The following MBIP variants were observed in gnomAD, a reference collection of about 807,000 sequenced individuals.
The protein encoded by MBIP is MAP3K12 binding inhibitory protein 1.
A neutral mutation model predicts 45.7 loss-of-function variants in MBIP; 32 were observed. The ratio of observed to expected loss-of-function variants is 0.70; its 90% CI spans 0.53 to 0.94. The LOEUF is 0.94. Ranked by LOEUF, MBIP falls within the 40% of genes least tolerant of loss-of-function variation. The pLI is 0.00. For synonymous variants in MBIP, 145 were observed against 141.0 expected (o/e 1.03, Z -0.20); for missense variants, 381 against 405.5 (o/e 0.94, Z 0.52).
intron 6 of MBIP, among the ~76,000 whole-genome samples, chr14:36,311,210 C>T (rs28690192): frequency 1.3e-5 from 2 of 152,092 alleles, no homozygotes; most frequent in African/African-American, 4.8e-5. Flanking sequence ...TGTAGTCCCA[C>T]TGACACAGGA....
chr14:36,319,634 C>A, intron 1 of MBIP: 2 of 412,458 alleles, frequency 4.8e-6, no homozygotes, highest in African/African-American at 2.1e-5. Context: ...CTAGTACCAG[C>A]CCCAAAACAA....
chr14:36,314,419 T>A, intron 4 of MBIP, 93 bp downstream of exon 4: 1 of 730,022 alleles, frequency 1.4e-6, no homozygotes, highest in Non-Finnish European at 2.2e-6. Context: ...AATTGTGTTC[T>A]AAAAGCTATT....
At chr14:36,319,611 T>C (rs764169430) in intron 1 of MBIP, 1 of 438,924 alleles carries the variant, frequency 2.3e-6, no homozygotes, top group South Asian at 1.6e-5. Flanking sequence ...AATGCCTGCT[T>C]TGTCCACTTG....
At chr14:36,320,056 G>A (rs755773323) in intron 1 of MBIP, among the ~76,000 whole-genome samples, 2 of 151,232 alleles carry the variant, frequency 1.3e-5, no homozygotes, top group African/African-American at 2.4e-5. Context: ...GCTAATAAGC[G>A]CGCGCTTTTC....
Position 36,314,955 on chromosome 14 carries a change from A to T in MBIP, c.250-40T>A, listed in dbSNP as rs748556016. 1.1e-5 allele frequency: 14 copies of T among 1,230,938 alleles called. No individual in the cohort carries two copies. The East Asian group carries it at 3.3e-4, about 29-fold the overall frequency. 76.3% of individuals were successfully genotyped at this position (1,230,938 alleles called of 1,614,324 possible). A position where few individuals can be genotyped will look rare whatever the true frequency, so the allele number is the denominator to read the frequency against. On this transcript the variant is annotated intron_variant, in intron 2 of 8. Coordinates refer to ENST00000416007, the MANE Select transcript of MBIP (RefSeq NM_016586.3). Reference sequence around the variant, plus strand: ...ATTCCATCTGCTGAGGTTCAATCTGACCAAAATTAATTACACACTTAATAT... The same window carrying T: ...ATTCCATCTGCTGAGGTTCAATCTGTCCAAAATTAATTACACACTTAATAT...
Position 36,308,154 on chromosome 14 carries a change from T to C in MBIP, c.826A>G (p.Lys276Glu). Reference sequence around the variant, plus strand: ...TCAAGGATTTTATCCTCAAGTTTTTTAATTCTCTGATAAATGTCTCTTGGC... The same window carrying C: ...TCAAGGATTTTATCCTCAAGTTTTTCAATTCTCTGATAAATGTCTCTTGGC... ...PVPRDIYQRIKKLEDKILELE... is the reference protein window; with the variant it reads ...PVPRDIYQRIEKLEDKILELE... Residue 276 changes from lysine to glutamate, a missense_variant, in exon 7 of 9, where the codon AAA becomes GAA. Lys to Glu is a moderately conservative substitution (Grantham distance 56). Coordinates refer to ENST00000416007, the MANE Select transcript of MBIP (RefSeq NM_016586.3). 2 of 1,605,962 alleles carry C rather than the reference T, an allele frequency of 1.2e-6. No individual in the cohort carries two copies. The highest frequency in any genetic ancestry group is 1.7e-6 in the Non-Finnish European group (2 of 1,174,476).
chr14:36,298,895 T>C lies in MBIP; in HGVS notation c.*188A>G. The C allele has an allele frequency of 2.3e-6, 1 of 443,408 alleles. No homozygotes were observed. The highest frequency in any genetic ancestry group is 4.0e-6 in the Non-Finnish European group (1 of 249,062). The allele number at this position is 443,408 out of a possible 1,614,324, so 27.5% of individuals were successfully genotyped here. A position where few individuals can be genotyped will look rare whatever the true frequency, so the allele number is the denominator to read the frequency against. ...TAAATTCCAACAATGCTATTTTCAA[T>C]GCATTCATTATTTCAAAACTTACTG... On this transcript the variant is annotated 3_prime_UTR_variant, in exon 9 of 9. Coordinates refer to ENST00000416007, the MANE Select transcript of MBIP (RefSeq NM_016586.3).
intron 8 of MBIP, among the ~76,000 whole-genome samples, chr14:36,300,262 TACTC>T (rs1172954004): frequency 6.6e-6 from 1 of 152,172 alleles, no homozygotes; most frequent in Non-Finnish European, 1.5e-5. Flanking sequence ...TCAAAAAACT[TACTC>T]AGAATTTTAC....
chr14:36,308,100 G>T lies in MBIP; in HGVS notation c.880C>A (p.Gln294Lys). The T allele has an allele frequency of 6.5e-7, 1 of 1,544,330 alleles. No individual in the cohort carries two copies. Among genetic ancestry groups the T allele is most frequent in the Non-Finnish European group, 8.9e-7 (1 of 1,122,828 alleles). Reference sequence around the variant, plus strand: ...AAGACACTTATACTCACTACAGACTGAAAATATTCAGGAGAGATGCCTTCC... The same window carrying T: ...AAGACACTTATACTCACTACAGACTTAAAATATTCAGGAGAGATGCCTTCC... Reference protein sequence around the residue: ...ELEGISPEYFQSVSFSGKRRK... With the variant: ...ELEGISPEYFKSVSFSGKRRK... Residue 294 changes from glutamine to lysine, a missense_variant, in exon 7 of 9, where the codon CAG becomes AAG. By Grantham distance (53) the Gln-to-Lys change is moderately conservative. Transcript: ENST00000416007.
chr14:36,309,971 A>G (rs530690039), intron 6 of MBIP, among the ~76,000 whole-genome samples: 13 of 152,208 alleles, frequency 8.5e-5, no homozygotes, highest in South Asian at 2.1e-4. Context: ...TTCACTATTA[A>G]TCTTTCTCTC....
chr14:36,300,925 C>A, intron 7 of MBIP, 102 bp from the exon 8 acceptor site: 1 of 697,202 alleles, frequency 1.4e-6, no homozygotes. Flanking sequence ...GGAACCCTGA[C>A]AGAAAAAAAA....
chr14:36,318,737 G>T (rs1445472445), intron 1 of MBIP, among the ~76,000 whole-genome samples: 4 of 151,894 alleles, frequency 2.6e-5, no homozygotes, highest in African/African-American at 9.7e-5. Flanking sequence ...TCCTACTGAG[G>T]AGATCTAATA....
rs1379099207 is a variant in MBIP at position 36,316,735 on chromosome 14, T to C, written c.207A>G (p.Ala69=). ...KLQSLSAFQP[A]LLFSALEQHI... ...GTTGTTCAAGTGCACTAAAGAGCAA[T>C]GCAGGCTGGAATGCCGAGAGGCTCT... is the stretch of plus-strand genomic sequence containing the variant. Residue 69 remains alanine, a synonymous_variant, in exon 2 of 9, where the codon GCA becomes GCG. Coordinates refer to ENST00000416007, the MANE Select transcript of MBIP (RefSeq NM_016586.3). 3.7e-6 allele frequency: 6 copies of C among 1,613,078 alleles called. No individual in the cohort carries two copies. The highest frequency in any genetic ancestry group is 1.3e-5 in the African/African-American group (1 of 75,002).
At chr14:36,311,435 A>G (rs900035952) in intron 6 of MBIP, 138 bp downstream of exon 6, 4 of 708,134 alleles carry the variant, frequency 5.6e-6, no homozygotes, top group African/African-American at 5.4e-5. Flanking sequence ...TGACATACAC[A>G]TAACACTTCC....
intron 2 of MBIP, among the ~76,000 whole-genome samples, chr14:36,315,430 A>G (rs976379423): frequency 1.3e-5 from 2 of 152,156 alleles, no homozygotes. Flanking sequence ...GCCAATGTGA[A>G]TGAGGAAGCA....
chr14:36,314,362 G>A (rs1178334791), intron 4 of MBIP, 150 bp downstream of exon 4: 1 of 562,024 alleles, frequency 1.8e-6, no homozygotes, highest in East Asian at 3.0e-5. Flanking sequence ...TTAAGCAGAA[G>A]GAAACTCTAC....
chr14:36,310,571 T>C lies in MBIP; in HGVS notation c.790+1002A>G, dbSNP rs1566551669. ...ACTTGCTTTGTGCCAGGCACTGTAA[T>C]AGGTACAAAGAAATGAATATGACAG... On this transcript the variant is annotated intron_variant, in intron 6 of 8. Coordinates refer to ENST00000416007, the MANE Select transcript of MBIP (RefSeq NM_016586.3). 2.0e-5 allele frequency among the ~76,000 whole-genome samples: 3 copies of C among 152,302 alleles called. No individual in the cohort carries two copies. The South Asian group carries it at 6.2e-4, about 32-fold the overall frequency.
rs554768495 is a variant in MBIP, at chr14:36,308,083, T to TA, written c.888+8dup. ...TTTTCATTTATTTTTAAAAGACACT[T>TA]ATACTCACTACAGACTGAAAATATT... On this transcript the variant is annotated intron_variant, in intron 7 of 8. Transcript: ENST00000416007. The TA allele has an allele frequency of 1.9e-3, 2,642 of 1,419,264 alleles. 3 individuals carry two copies. Among genetic ancestry groups the TA allele is most frequent in the Non-Finnish European group, 2.3e-3 (2,299 of 1,014,820 alleles). 87.9% of individuals were successfully genotyped at this position (1,419,264 alleles called of 1,614,324 possible).
rs575265779 is a variant in MBIP at position 36,316,640 on chromosome 14, A to C, written c.249+53T>G. On this transcript the variant is annotated intron_variant, in intron 2 of 8. Transcript: ENST00000416007. ...GTCAAATACTCCAACTAACTTAACC[A>C]CAATCAATTTCTATTTTCAATATCG... is the stretch of plus-strand genomic sequence containing the variant. The C allele has an allele frequency of 7.8e-6, 12 of 1,529,442 alleles. No homozygotes were observed. The East Asian group carries it at 2.7e-4, about 35-fold the overall frequency. 94.7% of individuals were successfully genotyped at this position (1,529,442 alleles called of 1,614,324 possible).
Sources: allele counts gnomAD v4.1 joint callset (sites outside exome capture counted in the v4.1 genomes callset), GRCh38; gene constraint gnomAD v4.1.1; transcripts MANE v1.5; gene names NCBI Gene and HGNC (gene_info 2026-07-23, HGNC 2026-07-21).